TASP1: variants seen among roughly 807,000 people sequenced by gnomAD.
The protein encoded by TASP1 is threonine aspartase 1.
TASP1 carries 16 observed loss-of-function variants against 56.6 expected under a neutral mutation model. The ratio of observed to expected loss-of-function variants is 0.28; its 90% CI spans 0.19 to 0.43. The LOEUF (loss-of-function observed/expected upper bound fraction) is 0.43. TASP1 is among the 20% of genes least tolerant of loss of function. The probability of loss-of-function intolerance (pLI) is 1.00; values close to 1 mark genes in which losing one functional copy is unlikely to be tolerated. For synonymous variants in TASP1, 179 were observed against 184.2 expected (o/e 0.97, Z 0.23); for missense variants, 393 against 511.6 (o/e 0.77, Z 2.24).
Position 13,434,915 on chromosome 20 carries a change from T to G in TASP1, c.1096+129A>C, listed in dbSNP as rs535502010. On this transcript the variant is annotated intron_variant, in intron 12 of 13. Coordinates refer to ENST00000337743, the MANE Select transcript of TASP1 (RefSeq NM_017714.3). ...CGGAAAAAGATCAGTAGAACAGGGA[T>G]GTTCAGATATCAATAAAGCATGCTG... The G allele has an allele frequency of 1.4e-4, 82 of 584,602 alleles. 1 individual carries two copies. Among genetic ancestry groups the G allele is most frequent in the East Asian group, 6.7e-4 (23 of 34,316 alleles). 36.2% of individuals were successfully genotyped at this position (584,602 alleles called of 1,614,324 possible). A position where few individuals can be genotyped will look rare whatever the true frequency, so the allele number is the denominator to read the frequency against.
intron 10 of TASP1, among the ~76,000 whole-genome samples, chr20:13,505,160 T>C (rs1012723282): frequency 3.3e-5 from 5 of 151,994 alleles, no homozygotes; most frequent in African/African-American, 4.8e-5. Context: ...AGTCAAAAGG[T>C]GTAACAACAG....
chr20:13,394,322 A>AG (rs1174722608), intron 13 of TASP1, among the ~76,000 whole-genome samples: 1 of 146,344 alleles, frequency 6.8e-6, no homozygotes, highest in Non-Finnish European at 1.5e-5. Context: ...AAAAAAAAAA[A>AG]AAAAAAGGCC....
chr20:13,146,042 CAG>C, the TASP1 span, among the ~76,000 whole-genome samples: 4 of 152,150 alleles, frequency 2.6e-5, no homozygotes, highest in African/African-American at 9.7e-5. Context: ...TTATCAATGA[CAG>C]ACTGAATAAA....
intron 13 of TASP1, among the ~76,000 whole-genome samples, 172 bp from the exon 14 acceptor site, chr20:13,390,624 T>C (rs980039536): frequency 2.6e-5 from 4 of 152,348 alleles, no homozygotes; most frequent in East Asian, 1.9e-4. Flanking sequence ...AAAGATCGTT[T>C]GTTCAAATCG....
chr20:13,322,267 A>C, the TASP1 span, among the ~76,000 whole-genome samples: 1 of 152,152 alleles, frequency 6.6e-6, no homozygotes, highest in African/African-American at 2.4e-5. Flanking sequence ...CGTCATCTTC[A>C]AAGGCAGTTT....
intron 4 of TASP1, among the ~76,000 whole-genome samples, chr20:13,619,418 T>C (rs1017518866): frequency 7.2e-5 from 11 of 152,310 alleles, no homozygotes; most frequent in South Asian, 2.1e-4. Flanking sequence ...CTTCATACTT[T>C]ATAAGAAAAA....
At chr20:13,549,633 T>TA (rs1244566673) in intron 8 of TASP1, among the ~76,000 whole-genome samples, 2 of 152,144 alleles carry the variant, frequency 1.3e-5, no homozygotes, top group Admixed American at 6.6e-5. Context: ...CACCAGCATC[T>TA]AAGCCAATTT....
At chr20:13,206,421 G>A in the TASP1 span, among the ~76,000 whole-genome samples, 2 of 152,170 alleles carry the variant, frequency 1.3e-5, no homozygotes, top group Non-Finnish European at 2.9e-5. Context: ...TTATTACACA[G>A]GGTAACTAAA....
At chr20:13,205,603 G>A in the TASP1 span, among the ~76,000 whole-genome samples, 8 of 152,160 alleles carry the variant, frequency 5.3e-5, no homozygotes, top group African/African-American at 1.9e-4. Flanking sequence ...GAGAGAGGAG[G>A]CAAGTGCTGT....
At chr20:13,626,945 C>T (rs974236441) in intron 2 of TASP1, among the ~76,000 whole-genome samples, 1 of 136,566 alleles carries the variant, frequency 7.3e-6, no homozygotes. Context: ...TTAACACTTG[C>T]TAATTTCCCT....
chr20:13,575,841 GA>G (rs1214131897), intron 6 of TASP1, among the ~76,000 whole-genome samples: 2 of 151,940 alleles, frequency 1.3e-5, no homozygotes, highest in African/African-American at 4.8e-5. Flanking sequence ...AATAAAGCAT[GA>G]AAAAAATTAG....
the TASP1 span, among the ~76,000 whole-genome samples, chr20:13,198,977 C>G: frequency 3.3e-5 from 5 of 151,398 alleles, no homozygotes; most frequent in African/African-American, 1.2e-4. Context: ...GAGATCACAA[C>G]TCACTGCAGC....
At chr20:13,216,924 A>G in the TASP1 span, among the ~76,000 whole-genome samples, 2 of 152,162 alleles carry the variant, frequency 1.3e-5, no homozygotes, top group African/African-American at 2.4e-5. Context: ...CCCATATTCT[A>G]TTGGCCAGAA....
At chr20:13,606,993 A>C (rs1343773897) in intron 4 of TASP1, among the ~76,000 whole-genome samples, 2 of 152,318 alleles carry the variant, frequency 1.3e-5, no homozygotes, top group East Asian at 3.9e-4. Context: ...GCTGATACTT[A>C]TTAATTCTTA....
At chr20:13,277,508 T>G in the TASP1 span, among the ~76,000 whole-genome samples, 1 of 152,192 alleles carries the variant, frequency 6.6e-6, no homozygotes, top group Admixed American at 6.5e-5. Flanking sequence ...CCCAGCTGTG[T>G]GCTCCTTCTC....
the TASP1 span, among the ~76,000 whole-genome samples, chr20:13,161,179 G>A: frequency 2.6e-5 from 4 of 152,216 alleles, no homozygotes; most frequent in Non-Finnish European, 5.9e-5. Context: ...TATGTGGGAA[G>A]AGAGAATCAA....
chr20:13,565,273 C>T (rs2046486786), intron 7 of TASP1, among the ~76,000 whole-genome samples: 1 of 151,776 alleles, frequency 6.6e-6, no homozygotes, highest in Non-Finnish European at 1.5e-5. Context: ...AGTGTAAGAG[C>T]TAAAACTATA....
At chr20:13,633,926 T>G (rs1033249616) in intron 1 of TASP1, among the ~76,000 whole-genome samples, 3 of 152,258 alleles carry the variant, frequency 2.0e-5, no homozygotes, top group South Asian at 4.1e-4. Context: ...CTCCTAGTAA[T>G]GATATTAAAA....
At chr20:13,206,794 C>T in the TASP1 span, among the ~76,000 whole-genome samples, 1 of 152,170 alleles carries the variant, frequency 6.6e-6, no homozygotes, top group Non-Finnish European at 1.5e-5. Context: ...CAGAATTCGG[C>T]CATATGACCC....
Sources: gnomAD v4.1 joint callset for allele counts (sites outside exome capture counted in the v4.1 genomes callset) on GRCh38, gnomAD v4.1.1 for gene constraint, MANE v1.5 for transcripts, NCBI Gene and HGNC (gene_info 2026-07-23, HGNC 2026-07-21) for gene names.